KANK1: variants seen among roughly 807,000 people sequenced by gnomAD.
The protein encoded by KANK1 is KN motif and ankyrin repeat domains 1, also known as KN motif and ankyrin repeat domain-containing protein 1.
KANK1 carries 109 observed loss-of-function variants against 106.2 expected under a neutral mutation model. The ratio of observed to expected loss-of-function variants is 1.03; its 90% CI spans 0.88 to 1.20. The LOEUF (loss-of-function observed/expected upper bound fraction) is 1.20, where lower values mean the gene tolerates loss of function less well. Ranked by LOEUF, KANK1 falls within the 50% of genes most tolerant of loss-of-function variation. The probability of loss-of-function intolerance (pLI) is 0.00; values close to 1 mark genes in which losing one functional copy is unlikely to be tolerated. For synonymous variants in KANK1, 873 were observed against 652.2 expected, an observed-to-expected ratio of 1.34 and a Z score of -5.16; for missense variants, 2,399 against 1,710.7, an observed-to-expected ratio of 1.40 and a Z score of -7.10.
At chr9:569,551 C>G (rs1453161648) in intron 1 of KANK1, among the ~76,000 whole-genome samples, 1 of 152,130 alleles carries the variant, frequency 6.6e-6, no homozygotes, top group African/African-American at 2.4e-5. Flanking sequence ...AGATGCAGCC[C>G]TAGACTTTGG....
intron 1 of KANK1, among the ~76,000 whole-genome samples, chr9:572,650 C>G (rs1315940878): frequency 6.6e-6 from 1 of 152,136 alleles, no homozygotes; most frequent in African/African-American, 2.4e-5. Flanking sequence ...CATGGCCTCC[C>G]AAAGCACTGG....
chr9:554,822 G>A (rs936513696), intron 1 of KANK1, among the ~76,000 whole-genome samples: 13 of 152,106 alleles, frequency 8.5e-5, no homozygotes, highest in African/African-American at 2.2e-4. Context: ...TTCCAAAGTC[G>A]ATATACTAGA....
chr9:711,711 T>C lies in KANK1; in HGVS notation c.945T>C (p.Asn315=), dbSNP rs1826149119. 4 of 1,614,182 alleles carry C rather than the reference T, an allele frequency of 2.5e-6. No individual in the cohort carries two copies. Among genetic ancestry groups the C allele is most frequent in the African/African-American group, 1.3e-5 (1 of 75,060 alleles). The change falls in exon 3 of 12, where the codon AAT becomes AAC. Residue 315 remains asparagine, a synonymous_variant. Coordinates refer to ENST00000382297, the MANE Select transcript of KANK1 (RefSeq NM_015158.5). ...ACCAAAGGGCTGCATCCCAGATCAATGTCTGTGGTGTGAGGAAGCGGTCCT... is the reference window on the plus strand; with the variant it reads ...ACCAAAGGGCTGCATCCCAGATCAACGTCTGTGGTGTGAGGAAGCGGTCCT... The part of the protein sequence containing the change: ...LKNQRAASQI[N]VCGVRKRSYS...
At position 740,757 on chromosome 9, in the gene KANK1, C is replaced by A. The variant is rs760911866; in HGVS notation, c.3554-35C>A. On this transcript the variant is annotated intron_variant, in intron 8 of 11. Transcript: ENST00000382297. ...AAGCGGCTGCTATTAGAAGGGGCTG[C>A]TTCCTAAGAGACTTTTTTTTTTTTT... 9 of 1,590,524 alleles carry A rather than the reference C, an allele frequency of 5.7e-6. 1 individual carries two copies. Among genetic ancestry groups the A allele is most frequent in the East Asian group, 4.5e-5 (2 of 44,734 alleles).
chr9:623,348 G>C (rs1006018752), intron 1 of KANK1, among the ~76,000 whole-genome samples: 1 of 152,030 alleles, frequency 6.6e-6, no homozygotes. Flanking sequence ...TCACCATTTT[G>C]GGAAGCCGAG....
intron 1 of KANK1, among the ~76,000 whole-genome samples, chr9:554,908 A>G (rs1350710639): frequency 2.0e-5 from 3 of 152,226 alleles, no homozygotes; most frequent in Non-Finnish European, 4.4e-5. Context: ...TGCAAGCACC[A>G]TGGGCAAGTA....
intron 1 of KANK1, among the ~76,000 whole-genome samples, chr9:533,534 C>G (rs114085604): frequency 1.6e-3 from 241 of 152,314 alleles, no homozygotes; most frequent in African/African-American, 5.3e-3. Context: ...TACCCTCCTC[C>G]AAAACACTCT....
chr9:657,964 G>C (rs1033034624), intron 1 of KANK1, among the ~76,000 whole-genome samples: 2 of 151,968 alleles, frequency 1.3e-5, no homozygotes, highest in Non-Finnish European at 1.5e-5. Flanking sequence ...TGCAATCATA[G>C]CTCACTACAG....
intron 1 of KANK1, among the ~76,000 whole-genome samples, chr9:537,036 G>A (rs976161621): frequency 9.2e-5 from 14 of 152,286 alleles, no homozygotes; most frequent in African/African-American, 2.9e-4. Context: ...ACAAGGAAGC[G>A]AGAGAGAAGC....
At chr9:604,923 C>T (rs558469326) in intron 1 of KANK1, among the ~76,000 whole-genome samples, 35 of 151,980 alleles carry the variant, frequency 2.3e-4, no homozygotes, top group Non-Finnish European at 4.6e-4. Context: ...TGCTCAGTCT[C>T]AGGTAGTTCT....
chr9:547,342 G>C (rs1157302180), intron 1 of KANK1: 3 of 152,180 alleles, frequency 2.0e-5, no homozygotes, highest in Non-Finnish European at 4.4e-5. Context: ...AAAGCCCTGG[G>C]TAAGTTTGAA....
chr9:554,946 G>T (rs1423595024), intron 1 of KANK1, among the ~76,000 whole-genome samples: 1 of 152,300 alleles, frequency 6.6e-6, no homozygotes, highest in East Asian at 1.9e-4. Flanking sequence ...AAGAGAGTTA[G>T]TGAAGTCTAC....
chr9:589,319 C>T (rs1824260372), intron 1 of KANK1, among the ~76,000 whole-genome samples: 1 of 152,286 alleles, frequency 6.6e-6, no homozygotes, highest in East Asian at 1.9e-4. Context: ...AATGTGTACT[C>T]TGGGCCTTCT....
chr9:639,461 C>G (rs889369508), intron 1 of KANK1, among the ~76,000 whole-genome samples: 1 of 152,044 alleles, frequency 6.6e-6, no homozygotes, highest in African/African-American at 2.4e-5. Flanking sequence ...GGATTACAGG[C>G]ACACACCATC....
rs62529925 is a variant in KANK1, at chr9:498,908, T to G, written c.-362+25635T>G. On this transcript the variant is annotated intron_variant, in intron 3 of 15. Transcript: ENST00000382303. ...TGAACATGGAGTTGGCTGGGCGAGGTGGCTCACGCCTTTAATCCCAGCACT... is the reference window on the plus strand; with the variant it reads ...TGAACATGGAGTTGGCTGGGCGAGGGGGCTCACGCCTTTAATCCCAGCACT... Among the ~76,000 whole-genome samples the G allele has an allele frequency of 3.3e-3, 503 of 152,242 alleles. 1 individual carries two copies. The highest frequency in any genetic ancestry group is 4.3e-3 in the Non-Finnish European group (293 of 68,006).
intron 1 of KANK1, among the ~76,000 whole-genome samples, chr9:657,438 A>G (rs1842392966): frequency 6.6e-6 from 1 of 152,066 alleles, no homozygotes; most frequent in Admixed American, 6.5e-5. Context: ...TATTTTTTTG[A>G]GGAACCTCTA....
chr9:545,609 C>T (rs940719371), intron 1 of KANK1, among the ~76,000 whole-genome samples: 6 of 151,972 alleles, frequency 3.9e-5, no homozygotes, highest in African/African-American at 1.2e-4. Flanking sequence ...AGCATTAGCT[C>T]CTGCAGAGCC....
chr9:716,241 T>G (rs542102529), intron 3 of KANK1, among the ~76,000 whole-genome samples: 3 of 152,330 alleles, frequency 2.0e-5, no homozygotes, highest in Admixed American at 2.0e-4. Context: ...TAGAACAGAT[T>G]GTCTTTGTTC....
intron 2 of KANK1, among the ~76,000 whole-genome samples, chr9:683,889 C>T (rs1033453309): frequency 2.6e-5 from 4 of 152,252 alleles, no homozygotes; most frequent in Non-Finnish European, 4.4e-5. Flanking sequence ...GCTAATTTCA[C>T]GCTGAAATTT....
Sources: gnomAD v4.1 joint callset for allele counts (sites outside exome capture counted in the v4.1 genomes callset) on GRCh38, gnomAD v4.1.1 for gene constraint, MANE v1.5 for transcripts, NCBI Gene and HGNC (gene_info 2026-07-23, HGNC 2026-07-21) for gene names.